CHD2: variants seen among roughly 807,000 people sequenced by gnomAD.
CHD2 encodes the protein ATP-dependent chromatin remodeler CHD2.
CHD2 carries 28 observed loss-of-function variants against 243.9 expected under a neutral mutation model. That is an observed-to-expected ratio of 0.11 (90% CI 0.09 to 0.16). The LOEUF is 0.16. CHD2 is among the 10% of genes least tolerant of loss of function. The probability of loss-of-function intolerance (pLI) is 1.00; values close to 1 mark genes in which losing one functional copy is unlikely to be tolerated. For synonymous variants in CHD2, 775 were observed against 779.0 expected (o/e 0.99, Z 0.09); for missense variants, 1,386 against 2,209.8 (o/e 0.63, Z 7.47).
chr15:92,905,607 A>T (rs2141705422), intron 2 of CHD2, among the ~76,000 whole-genome samples: 1 of 152,348 alleles, frequency 6.6e-6, no homozygotes, highest in African/African-American at 2.4e-5. Flanking sequence ...TTCTGAATAC[A>T]GTCTGTGAAA....
Position 93,020,580 on chromosome 15 carries a change from C to T in CHD2, c.5153+322C>T, listed in dbSNP as rs145629575. 16 of 528,056 alleles carry T rather than the reference C, an allele frequency of 3.0e-5. No individual in the cohort carries two copies. The East Asian group carries it at 4.7e-4, about 15-fold the overall frequency. The allele number at this position is 528,056 out of a possible 1,614,324, so 32.7% of individuals were successfully genotyped here. Reference sequence around the variant, plus strand: ...CGAGGCTGTCAGCCACACTAGGTATCAGGGATCCCGAGATGGGTACCAGCC... The same window carrying T: ...CGAGGCTGTCAGCCACACTAGGTATTAGGGATCCCGAGATGGGTACCAGCC... On this transcript the variant is annotated intron_variant, in intron 38 of 38. Transcript: ENST00000394196.
intron 12 of CHD2, among the ~76,000 whole-genome samples, chr15:92,948,139 T>G (rs2053499711): frequency 6.6e-6 from 1 of 152,152 alleles, no homozygotes; most frequent in Admixed American, 6.5e-5. Context: ...TCCTTTAAGC[T>G]TCTGGGGGTG....
At chr15:92,955,646 C>T (rs1326682645) in intron 15 of CHD2, 134 bp downstream of exon 15, 3 of 498,812 alleles carry the variant, frequency 6.0e-6, no homozygotes, top group Non-Finnish European at 1.0e-5. Context: ...ATGGTAGGGT[C>T]TGTACCTCCT....
At chr15:92,924,573 T>C in intron 3 of CHD2, 21 bp downstream of exon 3, 2 of 1,591,036 alleles carry the variant, frequency 1.3e-6, no homozygotes, top group Non-Finnish European at 1.7e-6. Context: ...TGCCCTGCAG[T>C]ACAAATGTGC....
At chr15:92,989,277 C>T (rs1462057046) in intron 26 of CHD2, among the ~76,000 whole-genome samples, 1 of 152,128 alleles carries the variant, frequency 6.6e-6, no homozygotes, top group Non-Finnish European at 1.5e-5. Context: ...GGTGATCCAC[C>T]CGCCTCGGCC....
At chr15:92,939,554 CT>C (rs1198727721) in intron 6 of CHD2, 23 bp from the exon 7 acceptor site, 5 of 1,606,158 alleles carry the variant, frequency 3.1e-6, no homozygotes, top group Non-Finnish European at 4.2e-6. Flanking sequence ...AAGACTTAGC[CT>C]TTTGTTTCTC....
intron 2 of CHD2, chr15:92,902,292 G>A: frequency 2.5e-6 from 1 of 397,126 alleles, no homozygotes; most frequent in Non-Finnish European, 4.4e-6. Context: ...CCTCTAAGAT[G>A]TTTTTGTTGT....
rs1356992069 is a variant in CHD2 at position 92,997,367 on chromosome 15, A to G, written c.3849A>G (p.Leu1283=). The stretch of plus-strand genomic sequence containing the variant: ...AACATGGCTATGGAAACTGGGAGTT[A>G]ATTAAAACAGACCCAGAGCTTAAAT... ...IYEHGYGNWE[L]IKTDPELKLT... Residue 1283 remains leucine (L), a synonymous_variant, in exon 30 of 39, where the codon TTA becomes TTG. Coordinates refer to ENST00000394196, the MANE Select transcript of CHD2 (RefSeq NM_001271.4). The surrounding 1 kb of genome is among the most constrained non-coding windows in gnomAD (Gnocchi z 4.1). 6 of 1,609,088 alleles carry G rather than the reference A, an allele frequency of 3.7e-6. No individual in the cohort carries two copies. The highest frequency in any genetic ancestry group is 5.1e-6 in the Non-Finnish European group (6 of 1,178,358).
At chr15:92,940,459 G>A (rs932948693) in intron 7 of CHD2, among the ~76,000 whole-genome samples, 2 of 151,948 alleles carry the variant, frequency 1.3e-5, no homozygotes, top group Admixed American at 1.3e-4. Context: ...AAAGAAAAAG[G>A]AAAATGAAAT....
intron 20 of CHD2, among the ~76,000 whole-genome samples, chr15:92,977,827 TACTA>T (rs2053929797): frequency 6.6e-6 from 1 of 152,248 alleles, no homozygotes; most frequent in Non-Finnish European, 1.5e-5. Flanking sequence ...TCTCTGTTTA[TACTA>T]ACTGACTTAC....
rs140272000 is a variant in CHD2 at position 92,974,932 on chromosome 15, C to T, written c.2559C>T (p.Phe853=). 4.3e-6 allele frequency: 7 copies of T among 1,613,576 alleles called. No homozygotes were observed. In the African/African-American group the frequency reaches 6.7e-5, roughly 15 times the overall value. The change falls in exon 20 of 39, where the codon TTC becomes TTT. Residue 853 remains phenylalanine (F), a synonymous_variant. Coordinates refer to ENST00000394196, the MANE Select transcript of CHD2 (RefSeq NM_001271.4). ...GEIRKQALDH[F]NADGSEDFCF... is the part of the protein sequence containing the mutation. ...TCCGAAAACAGGCACTGGACCACTT[C>T]AATGCAGATGGGTCTGAGGTATACT...
chr15:92,928,967 G>C (rs2053116049), intron 4 of CHD2, 63 bp from the exon 5 acceptor site: 2 of 1,462,592 alleles, frequency 1.4e-6, no homozygotes, highest in Admixed American at 1.8e-5. Flanking sequence ...CCAGGAGATA[G>C]TGTTGTCCCG....
At chr15:92,914,722 A>G (rs1348103509) in intron 2 of CHD2, among the ~76,000 whole-genome samples, 1 of 152,216 alleles carries the variant, frequency 6.6e-6, no homozygotes. Flanking sequence ...GTCAAAAGAC[A>G]ACATTTCAAC....
At position 92,993,550 on chromosome 15, in the gene CHD2, C is replaced by G. The variant is rs982812117; in HGVS notation, c.3595+552C>G. On this transcript the variant is annotated intron_variant, in intron 28 of 38. Coordinates refer to ENST00000394196, the MANE Select transcript of CHD2 (RefSeq NM_001271.4). ...GATACCAGAAAGTGATTTTGCCTGT[C>G]CTGTGTGATATCTTTAAAAGCAAGA... Among the ~76,000 whole-genome samples, 3 of 129,358 alleles carry G rather than the reference C, an allele frequency of 2.3e-5. No homozygotes were observed. The Admixed American group carries it at 2.4e-4, about 11-fold the overall frequency. The allele number at this position is 129,358 out of a possible 152,430, so 84.9% of individuals were successfully genotyped here.
rs901346678 is a variant in CHD2, at chr15:92,984,324, T to C, written c.3067-6T>C. On this transcript the variant is annotated splice_polypyrimidine_tract_variant and splice_region_variant and intron_variant, in intron 24 of 38. Coordinates refer to ENST00000394196, the MANE Select transcript of CHD2 (RefSeq NM_001271.4). ...AAATGTCAGACAATGGGTTGTCTGT[T>C]TTAAGGTTGCCAACTTTGCAACAAT... The C allele has an allele frequency of 7.6e-6, 12 of 1,569,136 alleles. No homozygotes were observed. Among genetic ancestry groups the C allele is most frequent in the Admixed American group, 1.9e-5 (1 of 52,658 alleles).
Position 92,935,982 on chromosome 15 carries a change from G to A in CHD2, c.444-1536G>A, listed in dbSNP as rs994705360. ...GAAACATCTCCATTTGCCTGACTTT[G>A]GCTAAACTCTGGTACAAAGACGAAC... On this transcript the variant is annotated intron_variant, in intron 5 of 38. Transcript: ENST00000394196. Among the ~76,000 whole-genome samples, 5 of 151,604 alleles carry A rather than the reference G, an allele frequency of 3.3e-5. No homozygotes were observed. The East Asian group carries it at 9.7e-4, about 29-fold the overall frequency.
At chr15:92,932,291 T>G (rs76016450) in intron 5 of CHD2, among the ~76,000 whole-genome samples, 5 of 146,700 alleles carry the variant, frequency 3.4e-5, no homozygotes. Flanking sequence ...TTGCACATCT[T>G]TTTTTTTTTT....
At chr15:92,968,778 A>G (rs764274598) in intron 17 of CHD2, among the ~76,000 whole-genome samples, 9 of 152,380 alleles carry the variant, frequency 5.9e-5, no homozygotes, top group Non-Finnish European at 1.0e-4. Flanking sequence ...GAACTCATCA[A>G]TTACACCTAT....
chr15:92,913,353 A>G (rs1045839352), intron 2 of CHD2, among the ~76,000 whole-genome samples: 33 of 152,344 alleles, frequency 2.2e-4, no homozygotes, highest in African/African-American at 7.0e-4. Context: ...GGAAGTTCAA[A>G]TTAAATAAAA....
Sources: allele counts gnomAD v4.1 joint callset (sites outside exome capture counted in the v4.1 genomes callset), GRCh38; gene constraint gnomAD v4.1.1; non-coding constraint Gnocchi (gnomAD v3.1); transcripts MANE v1.5; gene names NCBI Gene and HGNC (gene_info 2026-07-23, HGNC 2026-07-21).